The following GALNT14 variants were observed in gnomAD, a reference collection of about 807,000 sequenced individuals.
The protein encoded by GALNT14 is polypeptide N-acetylgalactosaminyltransferase 14.
GALNT14 carries 60 observed loss-of-function variants against 77.5 expected under a neutral mutation model. The observed-to-expected ratio is 0.77, with a 90% CI of 0.63 to 0.96. The LOEUF is 0.96. GALNT14 is among the 40% of genes least tolerant of loss of function. GALNT14 has a pLI of 0.00. For synonymous variants in GALNT14, 280 were observed against 281.7 expected (o/e 0.99, Z 0.06); for missense variants, 710 against 731.0 (o/e 0.97, Z 0.33).
intron 1 of GALNT14, among the ~76,000 whole-genome samples, chr2:31,042,286 A>C (rs977621087): frequency 2.6e-5 from 4 of 152,080 alleles, no homozygotes; most frequent in Non-Finnish European, 4.4e-5. Flanking sequence ...CTTTTCAAAA[A>C]CTCATCTATT....
chr2:31,114,545 G>A (rs758900976), intron 1 of GALNT14, among the ~76,000 whole-genome samples: 13 of 152,176 alleles, frequency 8.5e-5, no homozygotes, highest in East Asian at 1.9e-4. Flanking sequence ...CTAAATTAGC[G>A]GCTTAGAAGA....
In GALNT14 at chr2:30,952,692, A is replaced by G. The variant is rs1173446680; in HGVS notation, c.654+2926T>C. The stretch of plus-strand genomic sequence containing the variant: ...GAGTTAGTGGGTGCAGCGCACCAGC[A>G]TGGCACATGTATACATATGTAACTA... On this transcript the variant is annotated intron_variant, in intron 6 of 14. Transcript: ENST00000349752. Among the ~76,000 whole-genome samples the G allele has an allele frequency of 8.0e-5, 12 of 150,920 alleles. No homozygotes were observed. In the East Asian group the frequency reaches 2.4e-3, roughly 30 times the overall value.
chr2:31,001,413 G>A (rs1228631837), intron 1 of GALNT14, among the ~76,000 whole-genome samples: 1 of 152,166 alleles, frequency 6.6e-6, no homozygotes, highest in Non-Finnish European at 1.5e-5. Context: ...CTGCCCTCAG[G>A]GTAAAGGTCA....
chr2:31,000,698 C>T (rs1014300433), intron 1 of GALNT14, among the ~76,000 whole-genome samples: 5 of 152,122 alleles, frequency 3.3e-5, no homozygotes, highest in Non-Finnish European at 2.9e-5. Flanking sequence ...ATGAGGCCTA[C>T]GTACATTATG....
intron 1 of GALNT14, among the ~76,000 whole-genome samples, chr2:31,081,203 A>T (rs1290071182): frequency 2.0e-5 from 3 of 152,248 alleles, no homozygotes; most frequent in African/African-American, 7.2e-5. Context: ...TCAGTTAATC[A>T]TGAAAGATAA....
rs2288100 is a variant in GALNT14, at chr2:30,955,952, C to T, written c.492G>A (p.Lys164=). 0.15 allele frequency: 247,195 copies of T among 1,613,918 alleles called. 20,143 individuals carry two copies. The highest frequency in any genetic ancestry group is 0.22 in the Middle Eastern group (1,323 of 6,002). ...TGCGCAAGCATTTCACCTTGGGCAA[C>T]TTGATGAGCTGTTTACAGTCATCAG... ...NDPDDCKQLI[K]LPKVKCLRNN... Residue 164 remains lysine (K), a synonymous_variant, in exon 5 of 15, where the codon AAG becomes AAA. Coordinates refer to ENST00000349752, the MANE Select transcript of GALNT14 (RefSeq NM_024572.4).
intron 2 of GALNT14, among the ~76,000 whole-genome samples, chr2:30,974,865 C>T (rs1318632768): frequency 2.6e-5 from 4 of 152,138 alleles, no homozygotes; most frequent in Non-Finnish European, 4.4e-5. Context: ...ACTAGACATA[C>T]GATAAATGTC....
intron 1 of GALNT14, among the ~76,000 whole-genome samples, chr2:31,067,424 A>G (rs1012996401): frequency 3.3e-5 from 5 of 152,048 alleles, no homozygotes; most frequent in African/African-American, 1.2e-4. Context: ...CGAGAGACTC[A>G]GGCTGTCTTC....
intron 1 of GALNT14, among the ~76,000 whole-genome samples, chr2:31,038,914 T>G (rs1672931034): frequency 6.6e-6 from 1 of 151,962 alleles, no homozygotes; most frequent in African/African-American, 2.4e-5. Context: ...CCCCGCTAAT[T>G]TTTTGTATTT....
chr2:30,932,505 C>A (rs775199122), intron 9 of GALNT14, among the ~76,000 whole-genome samples: 3 of 152,178 alleles, frequency 2.0e-5, no homozygotes, highest in Non-Finnish European at 4.4e-5. Flanking sequence ...AAAGGAGGAG[C>A]CTTGGGGGCA....
intron 6 of GALNT14, among the ~76,000 whole-genome samples, chr2:30,951,230 T>A (rs370149741): frequency 2.0e-5 from 3 of 152,344 alleles, no homozygotes; most frequent in East Asian, 1.9e-4. Context: ...GTATTAGCCA[T>A]GAAAATGAAT....
At chr2:30,958,541 A>G in intron 3 of GALNT14, 77 bp from the exon 4 acceptor site, 1 of 1,079,140 alleles carries the variant, frequency 9.3e-7, no homozygotes, top group Non-Finnish European at 1.4e-6. Flanking sequence ...TTTTAAATAG[A>G]TACCATTGCA....
chr2:31,046,898 T>C (rs900926848), intron 1 of GALNT14, among the ~76,000 whole-genome samples: 2 of 152,188 alleles, frequency 1.3e-5, no homozygotes, highest in Non-Finnish European at 1.5e-5. Flanking sequence ...TATCAGCTCA[T>C]TCAGTCTTTG....
At chr2:31,083,089 A>G (rs1475037715) in intron 1 of GALNT14, among the ~76,000 whole-genome samples, 1 of 152,164 alleles carries the variant, frequency 6.6e-6, no homozygotes, top group Non-Finnish European at 1.5e-5. Flanking sequence ...CTGCTAGGGT[A>G]TTCAGTGGTC....
rs1257861067 is a variant in GALNT14 at position 30,992,822 on chromosome 2, G to A, written c.299+16C>T. 6.2e-7 allele frequency: 1 copy of A among 1,611,354 alleles called. No individual in the cohort carries two copies. Among genetic ancestry groups the A allele is most frequent in the Non-Finnish European group, 8.5e-7 (1 of 1,177,784 alleles). ...TTTGACTGCGGGGGTAACAGAGTGG[G>A]AGAAGGAGGAAGTACCTCAGATGGC... On this transcript the variant is annotated intron_variant, in intron 2 of 14. Coordinates refer to ENST00000349752, the MANE Select transcript of GALNT14 (RefSeq NM_024572.4).
At chr2:31,125,593 G>A (rs1678666921) in intron 1 of GALNT14, among the ~76,000 whole-genome samples, 1 of 152,194 alleles carries the variant, frequency 6.6e-6, no homozygotes, top group Non-Finnish European at 1.5e-5. Context: ...AGAAAGAAAA[G>A]AAATGCACAT....
rs537857183 is a variant in GALNT14, at chr2:31,027,079, T to G, written c.130-34072A>C. Among the ~76,000 whole-genome samples the G allele has an allele frequency of 2.0e-5, 3 of 152,374 alleles. No individual in the cohort carries two copies. The South Asian group carries it at 6.2e-4, about 32-fold the overall frequency. On this transcript the variant is annotated intron_variant, in intron 1 of 14. Coordinates refer to ENST00000349752, the MANE Select transcript of GALNT14 (RefSeq NM_024572.4). ...TAAAACAAACAAACGCTGGTCCATCTGGCACTGTATCCAGGTATGATGAGA... is the reference window on the plus strand; with the variant it reads ...TAAAACAAACAAACGCTGGTCCATCGGGCACTGTATCCAGGTATGATGAGA...
At position 30,929,378 on chromosome 2, in the gene GALNT14, C is replaced by T. The variant is rs191120843; in HGVS notation, c.1151+17G>A. ...CTTTTGCAGTCTCTGCCCTCCTCAA[C>T]CTGAAGGGACACTTACTTCCCGAAG... is the stretch of plus-strand genomic sequence containing the variant. On this transcript the variant is annotated intron_variant, in intron 11 of 14. Coordinates refer to ENST00000349752, the MANE Select transcript of GALNT14 (RefSeq NM_024572.4). 8,824 of 1,606,800 alleles carry T rather than the reference C, an allele frequency of 5.5e-3. 97 individuals are homozygous for T. Among genetic ancestry groups the T allele is most frequent in the South Asian group, 0.029 (2,626 of 90,792 alleles).
intron 1 of GALNT14, among the ~76,000 whole-genome samples, chr2:31,074,099 T>C (rs943423806): frequency 9.9e-5 from 15 of 152,148 alleles, no homozygotes; most frequent in Non-Finnish European, 1.5e-4. Context: ...GGCCCCATGG[T>C]GCAGAGGAAG....
Sources: allele counts gnomAD v4.1 joint callset (sites outside exome capture counted in the v4.1 genomes callset), GRCh38; gene constraint gnomAD v4.1.1; transcripts MANE v1.5; gene names NCBI Gene and HGNC (gene_info 2026-07-23, HGNC 2026-07-21).